Variants in XPO1 observed in about 807,000 individuals in gnomAD.
The protein encoded by XPO1 is exportin 1.
A neutral mutation model predicts 133.3 loss-of-function variants in XPO1; 5 were observed. The observed-to-expected ratio is 0.04, with a 90% CI of 0.02 to 0.08. The LOEUF is 0.08. XPO1 is among the 10% of genes least tolerant of loss of function. The probability of loss-of-function intolerance (pLI) is 1.00; values close to 1 mark genes in which losing one functional copy is unlikely to be tolerated. For missense variants in XPO1, 506 were observed against 1,267.5 expected, an observed-to-expected ratio of 0.40 and a Z score of 9.12; for synonymous variants, 419 against 408.2, an observed-to-expected ratio of 1.03 and a Z score of -0.32.
chr2:61,529,577 A>G (rs1410977254), intron 2 of XPO1, among the ~76,000 whole-genome samples: 2 of 151,728 alleles, frequency 1.3e-5, no homozygotes, highest in East Asian at 3.9e-4. Context: ...AATTGCTTGA[A>G]CCAGGACCCG....
At chr2:61,510,458 G>A (rs1043766052) in intron 4 of XPO1, among the ~76,000 whole-genome samples, 2 of 152,152 alleles carry the variant, frequency 1.3e-5, no homozygotes, top group African/African-American at 4.8e-5. Flanking sequence ...TCTAAAGCAG[G>A]AGTTAAGTTA....
At chr2:61,525,209 G>T in intron 3 of XPO1, 1 of 943,798 alleles carries the variant, frequency 1.1e-6, no homozygotes, top group Non-Finnish European at 1.3e-6. Flanking sequence ...CCCTCCCACC[G>T]CCCATGAAAC....
At position 61,484,066 on chromosome 2, in the gene XPO1, A is replaced by C. The variant is rs1484398820; in HGVS notation, c.2548T>G (p.Leu850Val). 6.2e-7 allele frequency: 1 copy of C among 1,613,892 alleles called. No individual in the cohort carries two copies. Among genetic ancestry groups the C allele is most frequent in the Non-Finnish European group, 8.5e-7 (1 of 1,179,920 alleles). ...EYPEHRTNFF[L>V]LLQAVNSHCF... ...TGAGAATTGACAGCCTGAAGTAGTA[A>C]GAAAAAGTTCGTTCTATGTTCAGGA... Residue 850 changes from leucine (L) to valine (V), a missense_variant, in exon 21 of 25, where the codon TTA becomes GTA. By Grantham distance (32) the Leu-to-Val change is conservative. Coordinates refer to ENST00000401558, the MANE Select transcript of XPO1 (RefSeq NM_003400.4).
intron 4 of XPO1, among the ~76,000 whole-genome samples, chr2:61,503,150 T>A (rs754166197): frequency 1.9e-4 from 29 of 152,008 alleles, no homozygotes; most frequent in Non-Finnish European, 3.4e-4. Flanking sequence ...AGAGACAAGG[T>A]TTCACCATGT....
intron 2 of XPO1, among the ~76,000 whole-genome samples, chr2:61,530,906 A>AC (rs903310049): frequency 5.9e-5 from 9 of 152,152 alleles, no homozygotes; most frequent in African/African-American, 2.2e-4. Flanking sequence ...TGCTAAATGT[A>AC]CCCTTTAAGC....
chr2:61,495,902 C>G (rs1697219284), intron 10 of XPO1, among the ~76,000 whole-genome samples: 1 of 151,968 alleles, frequency 6.6e-6, no homozygotes, highest in Non-Finnish European at 1.5e-5. Context: ...ACTCCTGGCT[C>G]AAGCAATCCT....
chr2:61,505,230 C>T (rs1697739905), intron 4 of XPO1, among the ~76,000 whole-genome samples: 1 of 152,082 alleles, frequency 6.6e-6, no homozygotes, highest in African/African-American at 2.4e-5. Flanking sequence ...AAACCTCAAG[C>T]AATCCTCCTG....
At chr2:61,487,853 A>C (rs1352047115) in intron 19 of XPO1, among the ~76,000 whole-genome samples, 1 of 152,190 alleles carries the variant, frequency 6.6e-6, no homozygotes, top group Non-Finnish European at 1.5e-5. Flanking sequence ...AATCAAGAGG[A>C]ATGCAAAAAC....
rs1435956883 is a variant in XPO1, at chr2:61,484,054, C to A, written c.2560G>T (p.Ala854Ser). 2 of 1,613,802 alleles carry A rather than the reference C, an allele frequency of 1.2e-6. No homozygotes were observed. The highest frequency in any genetic ancestry group is 4.5e-5 in the East Asian group (2 of 44,846). The change falls in exon 21 of 25, where the codon GCT becomes TCT. Residue 854 changes from alanine (A) to serine (S), a missense_variant. Transcript: ENST00000401558. ...GCTGGGAAACAATGAGAATTGACAGCCTGAAGTAGTAAGAAAAAGTTCGTT... is the reference window on the plus strand; with the variant it reads ...GCTGGGAAACAATGAGAATTGACAGACTGAAGTAGTAAGAAAAAGTTCGTT... ...HRTNFFLLLQ[A>S]VNSHCFPAFL...
chr2:61,525,303 T>C (rs1698867909), intron 3 of XPO1: 1 of 986,078 alleles, frequency 1.0e-6, no homozygotes, highest in Non-Finnish European at 1.2e-6. Context: ...CCTAGCTGTG[T>C]CAGTTGCACA....
At chr2:61,532,461 T>C (rs1023833390) in intron 2 of XPO1, among the ~76,000 whole-genome samples, 2 of 151,640 alleles carry the variant, frequency 1.3e-5, no homozygotes, top group East Asian at 2.0e-4. Context: ...AATATAAATA[T>C]CTTGACAATA....
rs1294098301 is a variant in XPO1 at position 61,497,022 on chromosome 2, G to A, written c.760-15C>T. On this transcript the variant is annotated splice_polypyrimidine_tract_variant and intron_variant, in intron 9 of 24. Coordinates refer to ENST00000401558, the MANE Select transcript of XPO1 (RefSeq NM_003400.4). ...ACATTCAGGAACTATTTAAAAGGGG[G>A]GAGGGAACCATAAAATTAATTGGCC... 3.8e-6 allele frequency: 6 copies of A among 1,593,822 alleles called. No individual in the cohort carries two copies. Among genetic ancestry groups the A allele is most frequent in the Non-Finnish European group, 4.3e-6 (5 of 1,174,078 alleles).
At chr2:61,483,717 T>C in intron 21 of XPO1, 1 of 482,116 alleles carries the variant, frequency 2.1e-6, no homozygotes, top group Non-Finnish European at 3.6e-6. Context: ...GCAAACCAAT[T>C]ATTACTAGGC....
At chr2:61,516,634 G>C (rs551062290) in intron 4 of XPO1, among the ~76,000 whole-genome samples, 3 of 151,854 alleles carry the variant, frequency 2.0e-5, no homozygotes, top group East Asian at 3.9e-4. Context: ...GGCTGGTCTC[G>C]AACTCCGGAC....
Position 61,497,013 on chromosome 2 carries a change from TA to T in XPO1, c.760-7del, listed in dbSNP as rs2104472925. 2 of 1,604,504 alleles carry T rather than the reference TA, an allele frequency of 1.2e-6. No individual in the cohort carries two copies. Among genetic ancestry groups the T allele is most frequent in the Admixed American group, 3.5e-5 (2 of 57,030 alleles). On this transcript the variant is annotated splice_polypyrimidine_tract_variant and splice_region_variant and intron_variant, in intron 9 of 24. Transcript: ENST00000401558. ...AACATTGGAACATTCAGGAACTATT[TA>T]AAAGGGGGGAGGGAACCATAAAATT... is the stretch of plus-strand genomic sequence containing the variant.
chr2:61,487,439 G>T (rs1573114644), intron 19 of XPO1, among the ~76,000 whole-genome samples: 2 of 151,106 alleles, frequency 1.3e-5, no homozygotes, highest in African/African-American at 4.9e-5. Context: ...TATTCCACAA[G>T]AATTATATTC....
At chr2:61,528,408 G>C (rs1437785715) in intron 2 of XPO1, among the ~76,000 whole-genome samples, 1 of 152,128 alleles carries the variant, frequency 6.6e-6, no homozygotes. Context: ...GCCGAGGTGA[G>C]CAGATCACAA....
intron 1 of XPO1, among the ~76,000 whole-genome samples, chr2:61,536,045 T>G (rs570587848): frequency 6.6e-6 from 1 of 152,296 alleles, no homozygotes; most frequent in South Asian, 2.1e-4. Context: ...CAAAAAAGGA[T>G]TAAGAAAATG....
At chr2:61,510,743 C>CCT in intron 4 of XPO1, among the ~76,000 whole-genome samples, 1 of 152,044 alleles carries the variant, frequency 6.6e-6, no homozygotes, top group Non-Finnish European at 1.5e-5. Context: ...TCAGGACCAG[C>CCT]CTAGGCAACA....
Sources: gnomAD v4.1 joint callset for allele counts (sites outside exome capture counted in the v4.1 genomes callset) on GRCh38, gnomAD v4.1.1 for gene constraint, MANE v1.5 for transcripts, NCBI Gene and HGNC (gene_info 2026-07-23, HGNC 2026-07-21) for gene names.